The following TFB1M variants were observed in gnomAD, a reference collection of about 807,000 sequenced individuals.
TFB1M encodes the protein transcription factor B1, mitochondrial.
TFB1M carries 27 observed loss-of-function variants against 31.1 expected under a neutral mutation model. That is an observed-to-expected ratio of 0.87 (90% CI 0.64 to 1.20). The LOEUF (loss-of-function observed/expected upper bound fraction) is 1.20. TFB1M is among the 50% of genes most tolerant of loss of function. TFB1M has a pLI of 0.00. For synonymous variants in TFB1M, 166 were observed against 151.8 expected (o/e 1.09, Z -0.69); for missense variants, 394 against 418.7 (o/e 0.94, Z 0.51).
Position 155,256,958 on chromosome 6 carries a change from C to T in TFB1M, c.*878G>A, listed in dbSNP as rs1784088603. 6.2e-7 allele frequency: 1 copy of T among 1,614,052 alleles called. No individual in the cohort carries two copies. The highest frequency in any genetic ancestry group is 1.7e-5 in the Admixed American group (1 of 59,996). ...AACAGCACCAAGAGGGACAGAGGAA[C>T]TTTGCTCAAGGCGCAGATCCGTCAC... On this transcript the variant is annotated 3_prime_UTR_variant, in exon 7 of 7. Coordinates refer to ENST00000367166, the MANE Select transcript of TFB1M (RefSeq NM_016020.4).
At chr6:155,285,062 C>A in intron 5 of TFB1M, 96 bp downstream of exon 5, 1 of 1,519,746 alleles carries the variant, frequency 6.6e-7, no homozygotes, top group Non-Finnish European at 9.1e-7. Context: ...TGCACATAAA[C>A]AAAGGTTAGA....
chr6:155,250,682 C>G, the TFB1M span: 1 of 1,459,436 alleles, frequency 6.9e-7, no homozygotes, highest in Non-Finnish European at 9.3e-7. Flanking sequence ...CCTACATGTG[C>G]GTGCACTGGA....
At chr6:155,252,807 T>C (rs1783748099), downstream of TFB1M, 2 of 674,696 alleles carry the variant, frequency 3.0e-6, no homozygotes, top group Non-Finnish European at 2.5e-6. Flanking sequence ...GCGTAGCTGA[T>C]TGACTTCTGT....
downstream of TFB1M, chr6:155,253,968 C>T: frequency 6.2e-7 from 1 of 1,610,722 alleles, no homozygotes; most frequent in Non-Finnish European, 8.5e-7. Flanking sequence ...TTTCCTTTTA[C>T]ATAGGGACAG....
intron 4 of TFB1M, among the ~76,000 whole-genome samples, chr6:155,294,139 G>T (rs1398579738): frequency 6.6e-6 from 1 of 152,162 alleles, no homozygotes; most frequent in Non-Finnish European, 1.5e-5. Flanking sequence ...AGCTAGGTTA[G>T]TTGGGACCCA....
chr6:155,248,208 G>A, the TFB1M span: 1 of 1,604,046 alleles, frequency 6.2e-7, no homozygotes, highest in East Asian at 2.2e-5. Flanking sequence ...CTCCGGGCGA[G>A]GGCCTGCACA....
intron 5 of TFB1M, among the ~76,000 whole-genome samples, chr6:155,274,496 A>G (rs1316979704): frequency 6.6e-6 from 1 of 152,214 alleles, no homozygotes; most frequent in Non-Finnish European, 1.5e-5. Flanking sequence ...TCTGGTATGT[A>G]TTTTTGAGAT....
chr6:155,307,810 A>G (rs1646681938), intron 2 of TFB1M, among the ~76,000 whole-genome samples: 1 of 152,116 alleles, frequency 6.6e-6, no homozygotes, highest in Admixed American at 6.6e-5. Context: ...AAAAAATGCA[A>G]AACAAATTTC....
At chr6:155,233,575 A>G in the TFB1M span, among the ~76,000 whole-genome samples, 1 of 152,212 alleles carries the variant, frequency 6.6e-6, no homozygotes, top group Non-Finnish European at 1.5e-5. Flanking sequence ...AACTGCTTAG[A>G]CGTCTGCCTG....
rs1272144440 is a variant in TFB1M at position 155,256,377 on chromosome 6, CATAAA to C, written c.*1454_*1458del. The C allele has an allele frequency of 1.3e-5, 20 of 1,504,154 alleles. No individual in the cohort carries two copies. The highest frequency in any genetic ancestry group is 1.5e-5 in the Non-Finnish European group (17 of 1,114,970). The allele number at this position is 1,504,154 out of a possible 1,614,324, so 93.2% of individuals were successfully genotyped here. A position where few individuals can be genotyped will look rare whatever the true frequency, so the allele number is the denominator to read the frequency against. On this transcript the variant is annotated 3_prime_UTR_variant, in exon 7 of 7. Transcript: ENST00000367166. The stretch of plus-strand genomic sequence containing the variant: ...GGATAGTTGCTAACTGAAGTCATAT[CATAAA>C]ATAAAATCTTAATGTTAAATCTTAC...
chr6:155,295,657 C>T (rs150009640), intron 4 of TFB1M, among the ~76,000 whole-genome samples: 30 of 152,138 alleles, frequency 2.0e-4, no homozygotes, highest in African/African-American at 6.7e-4. Flanking sequence ...TACAGTCATC[C>T]GTCAGTATCT....
Position 155,311,181 on chromosome 6 carries a change from A to C in TFB1M, c.285+7T>G. ...GCCTCCTAAAGCAGACACTTTAAGC[A>C]TCTCACCTGTAATCCAGGAATAAAT... On this transcript the variant is annotated splice_region_variant and intron_variant, in intron 2 of 6. Coordinates refer to ENST00000367166, the MANE Select transcript of TFB1M (RefSeq NM_016020.4). 6.2e-7 allele frequency: 1 copy of C among 1,614,042 alleles called. No individual in the cohort carries two copies. The highest frequency in any genetic ancestry group is 8.5e-7 in the Non-Finnish European group (1 of 1,179,896).
At chr6:155,262,153 G>A (rs1481906189) in intron 5 of TFB1M, among the ~76,000 whole-genome samples, 3 of 152,110 alleles carry the variant, frequency 2.0e-5, no homozygotes, top group Non-Finnish European at 4.4e-5. Context: ...TGGATGCAGG[G>A]TGTAGGTGGG....
chr6:155,301,412 C>A (rs1777424476), intron 2 of TFB1M, among the ~76,000 whole-genome samples: 1 of 152,170 alleles, frequency 6.6e-6, no homozygotes, highest in South Asian at 2.1e-4. Context: ...GACCTTCTAG[C>A]CAACCAGTAG....
At chr6:155,240,816 CA>C in the TFB1M span, 259 of 1,150,872 alleles carry the variant, frequency 2.3e-4, 1 homozygote, top group South Asian at 1.7e-3. Context: ...TGCCACTCCC[CA>C]GGGGGGGACA....
At chr6:155,307,300 T>A (rs1178227591) in intron 2 of TFB1M, among the ~76,000 whole-genome samples, 4 of 152,114 alleles carry the variant, frequency 2.6e-5, no homozygotes, top group Non-Finnish European at 5.9e-5. Context: ...CATAAAGACA[T>A]TCCCGAGACT....
At position 155,257,013 on chromosome 6, in the gene TFB1M, C is replaced by A; in HGVS notation, c.*823G>T. 6.2e-7 allele frequency: 1 copy of A among 1,614,138 alleles called. No individual in the cohort carries two copies. The highest frequency in any genetic ancestry group is 1.1e-5 in the South Asian group (1 of 91,090). On this transcript the variant is annotated 3_prime_UTR_variant, in exon 7 of 7. Transcript: ENST00000367166. ...CCCTTGACAGTCAGTCTGAAAATGCCACCATCGACCTAAATTCTGTTCTAG... is the reference window on the plus strand; with the variant it reads ...CCCTTGACAGTCAGTCTGAAAATGCAACCATCGACCTAAATTCTGTTCTAG...
At position 155,258,057 on chromosome 6, in the gene TFB1M, A is replaced by AGCGCT; in HGVS notation, c.815_819dup (p.Leu274SerfsTer10). The AGCGCT allele has an allele frequency of 6.2e-7, 1 of 1,614,232 alleles. No individual in the cohort carries two copies. ...TCTAACAGCCTGCCCGTGCTTTCCAAGCGCTGCGCTTCAGGGAATAACATT... is the reference window on the plus strand; with the variant it reads ...TCTAACAGCCTGCCCGTGCTTTCCAAGCGCTGCGCTGCGCTTCAGGGAATAACATT... On this transcript the variant is annotated frameshift_variant, in exon 7 of 7. Transcript: ENST00000367166. LOFTEE classifies it low-confidence loss of function (END_TRUNC).
intron 5 of TFB1M, among the ~76,000 whole-genome samples, chr6:155,265,027 GGGAAAA>G (rs1784561661): frequency 6.6e-6 from 1 of 152,196 alleles, no homozygotes; most frequent in Non-Finnish European, 1.5e-5. Flanking sequence ...GATGATCAGA[GGGAAAA>G]GACCTTCCTA....
Sources: gnomAD v4.1 joint callset for allele counts (sites outside exome capture counted in the v4.1 genomes callset) on GRCh38, gnomAD v4.1.1 for gene constraint, MANE v1.5 for transcripts, NCBI Gene and HGNC (gene_info 2026-07-23, HGNC 2026-07-21) for gene names.